PAX5: variants seen among roughly 807,000 people sequenced by gnomAD.
PAX5 encodes the protein paired box 5.
In PAX5, 9 loss-of-function variants were observed where a neutral mutation model predicts 43.7. That is an observed-to-expected ratio of 0.21 (90% CI 0.12 to 0.36). The LOEUF (loss-of-function observed/expected upper bound fraction) is 0.36. Among genes scored for constraint, PAX5 ranks in the 10% least tolerant of loss-of-function variants. The pLI is 1.00. For missense variants in PAX5, 383 were observed against 532.7 expected (o/e 0.72, Z 2.77); for synonymous variants, 228 against 214.3 (o/e 1.06, Z -0.56).
chr9:37,023,935 C>CT (rs1282872095), intron 1 of PAX5, among the ~76,000 whole-genome samples: 1 of 152,196 alleles, frequency 6.6e-6, no homozygotes, highest in Non-Finnish European at 1.5e-5. Context: ...GAGAGCTTTG[C>CT]ATATGTGTAT....
intron 1 of PAX5, among the ~76,000 whole-genome samples, chr9:37,029,812 G>A (rs1840794117): frequency 6.6e-6 from 1 of 152,330 alleles, no homozygotes; most frequent in East Asian, 1.9e-4. Flanking sequence ...GGGCCTCGAA[G>A]CTATGCTTTC....
At chr9:36,920,257 T>C (rs903019222) in intron 7 of PAX5, among the ~76,000 whole-genome samples, 2 of 152,242 alleles carry the variant, frequency 1.3e-5, no homozygotes, top group African/African-American at 4.8e-5. Flanking sequence ...ACTCCAATTT[T>C]GAAAGAAATT....
chr9:36,930,939 G>C lies in PAX5; in HGVS notation c.781-7455C>G, dbSNP rs945343791. On this transcript the variant is annotated intron_variant, in intron 6 of 9. Coordinates refer to ENST00000358127, the MANE Select transcript of PAX5 (RefSeq NM_016734.3). ...CCAAGTATTGTCTCATCAGCACGGG[G>C]CACCACTGCCATAGCATGGAGGAGA... The C allele has an allele frequency of 3.5e-6, 3 of 862,030 alleles. No individual in the cohort carries two copies. In the African/African-American group the frequency reaches 5.2e-5, roughly 15 times the overall value. The allele number at this position is 862,030 out of a possible 1,614,324, so 53.4% of individuals were successfully genotyped here.
chr9:37,010,562 A>G (rs1838835948), intron 3 of PAX5, among the ~76,000 whole-genome samples: 1 of 152,200 alleles, frequency 6.6e-6, no homozygotes, highest in Non-Finnish European at 1.5e-5. Context: ...TAAGGATCCC[A>G]TGGAAACATC....
In PAX5 at chr9:36,835,824, C is replaced by G. The variant is rs1348161038; in HGVS notation, c.*4736G>C. 4.3e-6 allele frequency: 1 copy of G among 233,304 alleles called. No homozygotes were observed. Among genetic ancestry groups the G allele is most frequent in the Admixed American group, 5.6e-5 (1 of 17,782 alleles). 14.5% of individuals were successfully genotyped at this position (233,304 alleles called of 1,614,324 possible). A position where few individuals can be genotyped will look rare whatever the true frequency, so the allele number is the denominator to read the frequency against. On this transcript the variant is annotated 3_prime_UTR_variant, in exon 10 of 10. Transcript: ENST00000358127. Reference sequence around the variant, plus strand: ...TGGGGCCACCGTGGAGCCGGTCTAGCTCAGAGCCCTGTGGGATCCACCCAT... The same window carrying G: ...TGGGGCCACCGTGGAGCCGGTCTAGGTCAGAGCCCTGTGGGATCCACCCAT...
chr9:36,903,375 T>G (rs1202825703), intron 7 of PAX5, among the ~76,000 whole-genome samples: 1 of 152,186 alleles, frequency 6.6e-6, no homozygotes, highest in East Asian at 1.9e-4. Flanking sequence ...AAAATATTTG[T>G]TTTTAAGTAA....
chr9:36,846,731 C>CAGTG, intron 9 of PAX5, 112 bp downstream of exon 9: 6 of 689,512 alleles, frequency 8.7e-6, no homozygotes, highest in Non-Finnish European at 1.5e-5. Context: ...GCAAGCTACC[C>CAGTG]ACCCACCTCA....
chr9:36,909,898 T>C (rs2131896716), intron 7 of PAX5, among the ~76,000 whole-genome samples: 1 of 144,812 alleles, frequency 6.9e-6, no homozygotes, highest in East Asian at 2.2e-4. Flanking sequence ...CATGGCTCAC[T>C]GCAGCCTTGA....
At chr9:36,961,787 C>A (rs1263246441) in intron 6 of PAX5, among the ~76,000 whole-genome samples, 1 of 152,166 alleles carries the variant, frequency 6.6e-6, no homozygotes, top group Non-Finnish European at 1.5e-5. Flanking sequence ...AAACAGATAC[C>A]ACTGTTGGAA....
chr9:36,963,011 G>A (rs1440010462), intron 6 of PAX5, among the ~76,000 whole-genome samples: 19 of 152,218 alleles, frequency 1.2e-4, no homozygotes, highest in Non-Finnish European at 5.9e-5. Context: ...CCCAGCCTGC[G>A]GCCCCTTGCT....
At chr9:36,889,951 G>GA (rs1202294101) in intron 7 of PAX5, among the ~76,000 whole-genome samples, 1 of 139,226 alleles carries the variant, frequency 7.2e-6, no homozygotes, top group African/African-American at 2.6e-5. Flanking sequence ...CGGGGGGGGG[G>GA]GGAATGTGAA....
At chr9:36,850,338 C>T (rs894025324) in intron 8 of PAX5, among the ~76,000 whole-genome samples, 22 of 152,220 alleles carry the variant, frequency 1.4e-4, no homozygotes, top group Middle Eastern at 3.2e-3. Flanking sequence ...TGGCTGTGGC[C>T]ACAGTCTAAG....
intron 2 of PAX5, among the ~76,000 whole-genome samples, chr9:37,016,610 G>A (rs975929528): frequency 1.3e-5 from 2 of 152,168 alleles, no homozygotes; most frequent in South Asian, 2.1e-4. Context: ...ATCACCAGAC[G>A]TCTCTCTCAA....
intron 6 of PAX5, among the ~76,000 whole-genome samples, chr9:36,957,553 C>G (rs1013507392): frequency 2.6e-5 from 4 of 152,164 alleles, no homozygotes; most frequent in Admixed American, 2.0e-4. Flanking sequence ...AAAAGCAGAG[C>G]CTTACAAATA....
chr9:36,960,272 C>T (rs565599594), intron 6 of PAX5, among the ~76,000 whole-genome samples: 6 of 152,306 alleles, frequency 3.9e-5, no homozygotes, highest in South Asian at 4.1e-4. Context: ...GTACCTGTCA[C>T]GAAACACGCT....
intron 6 of PAX5, among the ~76,000 whole-genome samples, chr9:36,943,067 G>T (rs1363717051): frequency 6.6e-6 from 1 of 152,116 alleles, no homozygotes; most frequent in East Asian, 1.9e-4. Flanking sequence ...TCCAGTGCAG[G>T]CCCACCCTAG....
chr9:36,848,745 G>A (rs12685559), intron 8 of PAX5, among the ~76,000 whole-genome samples: 7,791 of 152,174 alleles, frequency 0.051, 333 homozygotes, highest in South Asian at 0.12. Flanking sequence ...GTTTAGCGTC[G>A]CCTCTGCTGC....
At chr9:36,938,776 T>A (rs1040313509) in intron 6 of PAX5, among the ~76,000 whole-genome samples, 4 of 152,218 alleles carry the variant, frequency 2.6e-5, no homozygotes, top group Non-Finnish European at 5.9e-5. Flanking sequence ...CCATCCGACA[T>A]GGTTGGGAGA....
intron 5 of PAX5, among the ~76,000 whole-genome samples, chr9:36,998,240 C>T (rs529416893): frequency 6.6e-6 from 1 of 152,320 alleles, no homozygotes; most frequent in East Asian, 1.9e-4. Context: ...ACATAGTGGC[C>T]ATATACCCGA....
Sources: gnomAD v4.1 joint callset for allele counts (sites outside exome capture counted in the v4.1 genomes callset) on GRCh38, gnomAD v4.1.1 for gene constraint, MANE v1.5 for transcripts, NCBI Gene and HGNC (gene_info 2026-07-23, HGNC 2026-07-21) for gene names.